The following HACD2 variants were observed in gnomAD, a reference collection of about 807,000 sequenced individuals.
HACD2 encodes the protein very-long-chain (3R)-3-hydroxyacyl-CoA dehydratase 2.
A neutral mutation model predicts 31.0 loss-of-function variants in HACD2; 15 were observed. The ratio of observed to expected loss-of-function variants is 0.48; its 90% CI spans 0.32 to 0.75. The LOEUF is 0.75. Ranked by LOEUF, HACD2 falls within the 30% of genes least tolerant of loss-of-function variation. The pLI is 0.03. For synonymous variants in HACD2, 115 were observed against 122.2 expected (o/e 0.94, Z 0.39); for missense variants, 283 against 313.0 (o/e 0.90, Z 0.72).
At chr3:123,530,702 C>A (rs115536624) in intron 3 of HACD2, among the ~76,000 whole-genome samples, 1 of 151,030 alleles carries the variant, frequency 6.6e-6, no homozygotes, top group Non-Finnish European at 1.5e-5. Context: ...CCACTGCGCC[C>A]GGCCTGCCCA....
At chr3:123,530,751 T>C (rs999136711) in intron 3 of HACD2, among the ~76,000 whole-genome samples, 3 of 151,876 alleles carry the variant, frequency 2.0e-5, no homozygotes, top group Admixed American at 2.0e-4. Context: ...AACGTCTTGC[T>C]ATGTTGCCCA....
chr3:123,582,610 G>A (rs979777866), intron 1 of HACD2, among the ~76,000 whole-genome samples: 2 of 152,108 alleles, frequency 1.3e-5, no homozygotes, highest in African/African-American at 4.8e-5. Flanking sequence ...AAGGCCAAAA[G>A]GAAAGGAATA....
chr3:123,558,490 T>G (rs921850116), intron 3 of HACD2, among the ~76,000 whole-genome samples: 1 of 152,136 alleles, frequency 6.6e-6, no homozygotes, highest in African/African-American at 2.4e-5. Flanking sequence ...AATGGGAGAC[T>G]ATGCATGCGT....
chr3:123,536,751 T>C (rs2056431012), intron 3 of HACD2, among the ~76,000 whole-genome samples: 1 of 152,128 alleles, frequency 6.6e-6, no homozygotes, highest in African/African-American at 2.4e-5. Flanking sequence ...AGTTTAGACT[T>C]CTCCATAGCA....
intron 3 of HACD2, among the ~76,000 whole-genome samples, chr3:123,534,919 A>G (rs1183000870): frequency 6.6e-6 from 1 of 152,160 alleles, no homozygotes; most frequent in Non-Finnish European, 1.5e-5. Flanking sequence ...TATACAATGT[A>G]TTTGTATTTT....
intron 3 of HACD2, among the ~76,000 whole-genome samples, chr3:123,553,519 G>A (rs1043442336): frequency 6.6e-6 from 1 of 152,242 alleles, no homozygotes; most frequent in African/African-American, 2.4e-5. Flanking sequence ...ATTCCTGCTA[G>A]GTATGCCAAA....
intron 4 of HACD2, among the ~76,000 whole-genome samples, chr3:123,504,093 A>C (rs1470750792): frequency 2.0e-5 from 3 of 152,232 alleles, no homozygotes; most frequent in Non-Finnish European, 4.4e-5. Flanking sequence ...CATATTAGCC[A>C]AAGAAAAGCA....
intron 3 of HACD2, among the ~76,000 whole-genome samples, chr3:123,537,924 C>A (rs1187145829): frequency 6.6e-6 from 1 of 152,054 alleles, no homozygotes; most frequent in Non-Finnish European, 1.5e-5. Flanking sequence ...TTGGCACTAG[C>A]AAAAAGATAA....
chr3:123,572,253 C>A (rs1033083799), intron 2 of HACD2, among the ~76,000 whole-genome samples: 1 of 152,182 alleles, frequency 6.6e-6, no homozygotes, highest in Admixed American at 6.5e-5. Context: ...TACCTGTAAT[C>A]TTAACACTTT....
intron 3 of HACD2, among the ~76,000 whole-genome samples, chr3:123,552,163 A>G (rs1321197553): frequency 6.6e-6 from 1 of 152,166 alleles, no homozygotes; most frequent in African/African-American, 2.4e-5. Flanking sequence ...CCCTAATTAT[A>G]AAAACACTGA....
intron 4 of HACD2, among the ~76,000 whole-genome samples, chr3:123,520,961 C>T (rs979941087): frequency 6.6e-6 from 1 of 152,140 alleles, no homozygotes; most frequent in Non-Finnish European, 1.5e-5. Flanking sequence ...CACTCTCATT[C>T]CTTTTCTATG....
intron 6 of HACD2, among the ~76,000 whole-genome samples, chr3:123,499,861 T>G (rs2055881660): frequency 6.6e-6 from 1 of 152,182 alleles, no homozygotes; most frequent in African/African-American, 2.4e-5. Flanking sequence ...AGGGCTCACT[T>G]CACAGAGACA....
intron 3 of HACD2, among the ~76,000 whole-genome samples, chr3:123,536,286 G>C (rs570738250): frequency 3.5e-4 from 53 of 152,290 alleles, no homozygotes; most frequent in African/African-American, 1.2e-3. Flanking sequence ...GCTCAGAGGG[G>C]AGAACAACTG....
intron 3 of HACD2, among the ~76,000 whole-genome samples, chr3:123,555,310 T>C (rs546864954): frequency 1.3e-5 from 2 of 152,230 alleles, no homozygotes; most frequent in South Asian, 2.1e-4. Context: ...TGTTCAAAGA[T>C]GATATGATTA....
chr3:123,508,093 TGAA>T (rs1423428765), intron 4 of HACD2, among the ~76,000 whole-genome samples: 1 of 152,046 alleles, frequency 6.6e-6, no homozygotes, highest in African/African-American at 2.4e-5. Flanking sequence ...AGGGAGATGA[TGAA>T]GATTTACCAA....
At chr3:123,564,956 C>T (rs549907986) in intron 3 of HACD2, among the ~76,000 whole-genome samples, 1 of 152,210 alleles carries the variant, frequency 6.6e-6, no homozygotes, top group East Asian at 1.9e-4. Flanking sequence ...GGAAGCAAAC[C>T]TGCCAACCCT....
At chr3:123,569,988 CAAAAAAAAAAAAAAAAAAAAAAAAAA>C (rs55844728) in intron 2 of HACD2, among the ~76,000 whole-genome samples, 31 of 38,658 alleles carry the variant, frequency 8.0e-4, no homozygotes, top group African/African-American at 1.2e-3. Context: ...CACTCCATCT[CAAAAAAAAAAAAAAAAAAAAAAAAAA>C]AAAAAAAAAA....
intron 3 of HACD2, among the ~76,000 whole-genome samples, chr3:123,545,144 T>G (rs973331859): frequency 2.6e-5 from 4 of 151,306 alleles, no homozygotes; most frequent in Admixed American, 2.6e-4. Context: ...TAGCTGTTTT[T>G]TTTTTTTTTT....
At chr3:123,543,834 A>AT (rs2056522733) in intron 3 of HACD2, 1 of 184,104 alleles carries the variant, frequency 5.4e-6, no homozygotes, top group African/African-American at 2.4e-5. Context: ...TTCCGTTGCT[A>AT]TATTTATAAT....
Sources: allele counts gnomAD v4.1 joint callset (sites outside exome capture counted in the v4.1 genomes callset), GRCh38; gene constraint gnomAD v4.1.1; transcripts MANE v1.5; gene names NCBI Gene and HGNC (gene_info 2026-07-23, HGNC 2026-07-21).